CHD7: variants seen among roughly 807,000 people sequenced by gnomAD.
CHD7 encodes chromodomain helicase DNA binding protein 7.
In CHD7, 24 loss-of-function variants were observed where a neutral mutation model predicts 307.3. The ratio of observed to expected loss-of-function variants is 0.08; its 90% CI spans 0.06 to 0.11. The LOEUF (loss-of-function observed/expected upper bound fraction) is 0.11. Ranked by LOEUF, CHD7 falls within the 10% of genes least tolerant of loss-of-function variation. CHD7 has a pLI of 1.00. For missense variants in CHD7, 3,106 were observed against 3,727.1 expected, an observed-to-expected ratio of 0.83 and a Z score of 4.34; for synonymous variants, 1,363 against 1,349.9, an observed-to-expected ratio of 1.01 and a Z score of -0.21.
chr8:60,738,938 T>C (rs1384248751), intron 1 of CHD7, among the ~76,000 whole-genome samples: 3 of 152,168 alleles, frequency 2.0e-5, no homozygotes, highest in Non-Finnish European at 2.9e-5. Context: ...GTATGGGTAC[T>C]CTCAGGCAGG....
intron 15 of CHD7, among the ~76,000 whole-genome samples, chr8:60,834,961 A>G (rs1435358181): frequency 2.0e-5 from 3 of 152,218 alleles, no homozygotes; most frequent in Non-Finnish European, 2.9e-5. Flanking sequence ...GTTAGTTCAC[A>G]TGTTAAAAAC....
intron 1 of CHD7, among the ~76,000 whole-genome samples, chr8:60,724,374 T>C (rs1466979870): frequency 6.6e-6 from 1 of 152,154 alleles, no homozygotes; most frequent in Admixed American, 6.5e-5. Context: ...GCAAGGAAAG[T>C]TGGGTGACTA....
At chr8:60,679,506 C>T (rs1277147422) in intron 1 of CHD7, 1 of 147,228 alleles carries the variant, frequency 6.8e-6, no homozygotes, top group Non-Finnish European at 1.5e-5. Context: ...CGTTTCCTCC[C>T]GCCGGCGCCG....
chr8:60,818,464 G>T (rs997843944), intron 8 of CHD7, among the ~76,000 whole-genome samples: 1 of 152,146 alleles, frequency 6.6e-6, no homozygotes, highest in African/African-American at 2.4e-5. Context: ...CCTAGTTTTG[G>T]GAAAGTTTAA....
intron 34 of CHD7, among the ~76,000 whole-genome samples, chr8:60,860,249 C>T (rs972289496): frequency 4.6e-5 from 7 of 152,052 alleles, no homozygotes; most frequent in South Asian, 2.1e-4. Flanking sequence ...TATCATTATC[C>T]GGGGATCTCC....
intron 1 of CHD7, among the ~76,000 whole-genome samples, chr8:60,686,385 G>C (rs923934735): frequency 6.6e-6 from 1 of 151,422 alleles, no homozygotes; most frequent in Non-Finnish European, 1.5e-5. Flanking sequence ...AATACATTCT[G>C]TCATTAGGTC....
At chr8:60,711,853 A>G (rs149529920) in intron 1 of CHD7, among the ~76,000 whole-genome samples, 1 of 152,380 alleles carries the variant, frequency 6.6e-6, no homozygotes, top group African/African-American at 2.4e-5. Flanking sequence ...TATGTGATAC[A>G]TAGTAGCCAG....
chr8:60,742,885 C>G lies in CHD7; in HGVS notation c.1453C>G (p.Leu485Val). 6.2e-7 allele frequency: 1 copy of G among 1,612,214 alleles called. No individual in the cohort carries two copies. The highest frequency in any genetic ancestry group is 8.5e-7 in the Non-Finnish European group (1 of 1,178,980). ...GCCAAATGGTTGTCCTGGTGTTGGC[C>G]TTGGAGACCCACAAGCAATCCAGGA... is the stretch of plus-strand genomic sequence containing the variant. The part of the protein sequence containing the change: ...MRPNGCPGVG[L>V]GDPQAIQERL... The change falls in exon 2 of 38, where the codon CTT becomes GTT. Residue 485 changes from leucine to valine, a missense_variant. Leu to Val is a conservative substitution (Grantham distance 32). Transcript: ENST00000423902.
chr8:60,723,602 A>G (rs938325458), intron 1 of CHD7, among the ~76,000 whole-genome samples: 3 of 152,346 alleles, frequency 2.0e-5, no homozygotes, highest in Non-Finnish European at 2.9e-5. Flanking sequence ...ATAGTTGACA[A>G]TATGCCAGAA....
At chr8:60,730,532 G>C (rs1262563752) in intron 1 of CHD7, among the ~76,000 whole-genome samples, 2 of 152,158 alleles carry the variant, frequency 1.3e-5, no homozygotes, top group African/African-American at 4.8e-5. Flanking sequence ...CAGTTTCAGT[G>C]GTTTCAGTTA....
chr8:60,770,360 T>A (rs974421950), intron 2 of CHD7, among the ~76,000 whole-genome samples: 1 of 151,988 alleles, frequency 6.6e-6, no homozygotes, highest in Admixed American at 6.6e-5. Flanking sequence ...GATTCAATTA[T>A]AATAATTTTC....
intron 1 of CHD7, among the ~76,000 whole-genome samples, chr8:60,720,168 TC>T (rs1807826587): frequency 6.6e-6 from 1 of 152,196 alleles, no homozygotes; most frequent in Admixed American, 6.5e-5. Context: ...TGTGTCCTGT[TC>T]CATATAACTT....
chr8:60,756,536 G>T lies in CHD7; in HGVS notation c.1665+13439G>T, dbSNP rs191628935. Among the ~76,000 whole-genome samples, 4 of 152,264 alleles carry T rather than the reference G, an allele frequency of 2.6e-5. No homozygotes were observed. In the East Asian group the frequency reaches 5.8e-4, roughly 22 times the overall value. On this transcript the variant is annotated intron_variant, in intron 2 of 37. Coordinates refer to ENST00000423902, the MANE Select transcript of CHD7 (RefSeq NM_017780.4). Reference sequence around the variant, plus strand: ...GCTTCATATAAAATATTTAAGGCCAGGCACGGTGGTGTGCACCTGTAGCCC... The same window carrying T: ...GCTTCATATAAAATATTTAAGGCCATGCACGGTGGTGTGCACCTGTAGCCC...
At chr8:60,843,802 T>C (rs776604613) in intron 21 of CHD7, among the ~76,000 whole-genome samples, 3 of 152,090 alleles carry the variant, frequency 2.0e-5, no homozygotes, top group African/African-American at 4.8e-5. Flanking sequence ...GAGGGAGTGC[T>C]GGGGTTTGGG....
At chr8:60,784,834 AT>A (rs1391800451) in intron 3 of CHD7, among the ~76,000 whole-genome samples, 1 of 152,234 alleles carries the variant, frequency 6.6e-6, no homozygotes, top group Non-Finnish European at 1.5e-5. Context: ...AGAAAAAGAC[AT>A]GTAAAACCTT....
intron 7 of CHD7, among the ~76,000 whole-genome samples, chr8:60,809,941 T>A (rs1395587704): frequency 6.6e-6 from 1 of 152,214 alleles, no homozygotes; most frequent in Non-Finnish European, 1.5e-5. Flanking sequence ...TCATTTCTTC[T>A]ACATTGATTG....
Position 60,823,879 on chromosome 8 carries a change from A to G in CHD7, c.3241A>G (p.Ile1081Val), listed in dbSNP as rs768184220. The G allele has an allele frequency of 1.2e-5, 19 of 1,613,828 alleles. No individual in the cohort carries two copies. In the Admixed American group the frequency reaches 2.2e-4, roughly 18 times the overall value. The stretch of plus-strand genomic sequence containing the variant: ...GGGGTCCTATAAGTTTCATGCCATC[A>G]TCACTACATTTGAGATGATTTTGAC... ...IKGSYKFHAI[I>V]TTFEMILTDC... Residue 1081 changes from isoleucine to valine, a missense_variant, in exon 13 of 38, where the codon ATC becomes GTC. Around this residue, in one of 10 missense-constraint regions of CHD7, gnomAD observed 232 missense variants for 422.5 expected, o/e 0.55. Transcript: ENST00000423902.
At chr8:60,685,849 T>C (rs745972659) in intron 1 of CHD7, among the ~76,000 whole-genome samples, 4 of 152,168 alleles carry the variant, frequency 2.6e-5, no homozygotes, top group Non-Finnish European at 4.4e-5. Context: ...TAAGAAAAAT[T>C]ATGAAAATAC....
In CHD7 at chr8:60,862,445, G is replaced by T; in HGVS notation, c.7972-103G>T. On this transcript the variant is annotated intron_variant, in intron 36 of 37. Transcript: ENST00000423902. ...AAAAGAATCCTGTCTGCCCGAATGCGTGTGTGCGTGTATGTGTGTATTATA... is the reference window on the plus strand; with the variant it reads ...AAAAGAATCCTGTCTGCCCGAATGCTTGTGTGCGTGTATGTGTGTATTATA... 3.4e-6 allele frequency: 5 copies of T among 1,455,308 alleles called. No individual in the cohort carries two copies. The East Asian group carries it at 7.4e-5, about 21-fold the overall frequency. The allele number at this position is 1,455,308 out of a possible 1,614,324, so 90.1% of individuals were successfully genotyped here.
Sources: allele counts gnomAD v4.1 joint callset (sites outside exome capture counted in the v4.1 genomes callset), GRCh38; gene constraint gnomAD v4.1.1; regional missense constraint gnomAD v4.1.1; transcripts MANE v1.5; gene names NCBI Gene and HGNC (gene_info 2026-07-23, HGNC 2026-07-21).